The following PLEKHA7 variants were observed in gnomAD, a reference collection of about 807,000 sequenced individuals.
PLEKHA7 encodes the protein pleckstrin homology domain-containing family A member 7.
A neutral mutation model predicts 170.0 loss-of-function variants in PLEKHA7; 104 were observed. The observed-to-expected ratio is 0.61, with a 90% confidence interval of 0.52 to 0.72. The LOEUF (loss-of-function observed/expected upper bound fraction) is 0.72, where lower values mean the gene tolerates loss of function less well. Among genes scored for constraint, PLEKHA7 ranks in the 30% least tolerant of loss-of-function variants. The probability of loss-of-function intolerance (pLI) is 0.00; values close to 1 mark genes in which losing one functional copy is unlikely to be tolerated. For synonymous variants in PLEKHA7, 648 were observed against 660.8 expected, an observed-to-expected ratio of 0.98 and a Z score of 0.30; for missense variants, 1,615 against 1,671.7, an observed-to-expected ratio of 0.97 and a Z score of 0.59.
chr11:16,842,820 A>G (rs533790158), intron 8 of PLEKHA7, among the ~76,000 whole-genome samples: 52 of 152,226 alleles, frequency 3.4e-4, no homozygotes, highest in Non-Finnish European at 6.0e-4. Context: ...TCTCCTAGGT[A>G]CTTCCACAAC....
chr11:16,786,428 T>C (rs1173906183), intron 23 of PLEKHA7, 41 bp from the exon 24 acceptor site: 3 of 1,533,902 alleles, frequency 2.0e-6, no homozygotes, highest in East Asian at 2.4e-5. Flanking sequence ...CGCTTCCTGA[T>C]TGCTGAAAGA....
chr11:16,883,563 A>G (rs1855864644), intron 3 of PLEKHA7, among the ~76,000 whole-genome samples: 1 of 152,120 alleles, frequency 6.6e-6, no homozygotes, highest in African/African-American at 2.4e-5. Context: ...TTAACTGCCC[A>G]CCAGTCCCCA....
chr11:16,979,487 G>A (rs1227884665), intron 3 of PLEKHA7, among the ~76,000 whole-genome samples: 1 of 152,140 alleles, frequency 6.6e-6, no homozygotes, highest in Non-Finnish European at 1.5e-5. Flanking sequence ...GTCAGTTAGT[G>A]ACAGAACCAG....
chr11:16,968,435 A>G (rs1862506884), intron 3 of PLEKHA7, among the ~76,000 whole-genome samples: 1 of 152,178 alleles, frequency 6.6e-6, no homozygotes, highest in Non-Finnish European at 1.5e-5. Context: ...CTGTGGGCTC[A>G]GGTCCTTCCA....
chr11:16,984,308 GAATATTTAGAATA>G (rs1308972071), intron 3 of PLEKHA7, among the ~76,000 whole-genome samples: 30 of 151,688 alleles, frequency 2.0e-4, no homozygotes, highest in Admixed American at 1.6e-3. Context: ...AGAATAATTA[GAATATTTAGAATA>G]AATATTTAGA....
In PLEKHA7 at chr11:16,921,101, G is replaced by T. The variant is rs564080925; in HGVS notation, c.222-49919C>A. ...CCTTATTTTCGCAGGGCGTTTTTTT[G>T]TTGTTGTTGTTCCTTTTACATTTTT... On this transcript the variant is annotated intron_variant, in intron 3 of 26. Coordinates refer to ENST00000531066, the MANE Select transcript of PLEKHA7 (RefSeq NM_001329630.2). 5.2e-3 allele frequency among the ~76,000 whole-genome samples: 795 copies of T among 152,048 alleles called. 5 individuals carry two copies. The highest frequency in any genetic ancestry group is 7.1e-3 in the Admixed American group (108 of 15,284).
chr11:16,967,003 C>T (rs1256542706), intron 3 of PLEKHA7, among the ~76,000 whole-genome samples: 1 of 152,156 alleles, frequency 6.6e-6, no homozygotes, highest in Non-Finnish European at 1.5e-5. Context: ...GAACAAGGAG[C>T]CAAGCCTTAG....
intron 3 of PLEKHA7, chr11:17,012,989 C>T (rs1257056939): frequency 7.7e-6 from 1 of 129,734 alleles, no homozygotes; most frequent in African/African-American, 2.8e-5. Context: ...AGTTCTGACT[C>T]ACAGTCGCCG....
At chr11:16,984,537 G>T (rs1046875384) in intron 3 of PLEKHA7, among the ~76,000 whole-genome samples, 1 of 152,034 alleles carries the variant, frequency 6.6e-6, no homozygotes, top group Admixed American at 6.6e-5. Flanking sequence ...GGCATGTCCT[G>T]CCCCTACATG....
chr11:16,933,967 T>A (rs1437688965), intron 3 of PLEKHA7, among the ~76,000 whole-genome samples: 1 of 152,200 alleles, frequency 6.6e-6, no homozygotes, highest in Non-Finnish European at 1.5e-5. Context: ...ATCCTCTGCA[T>A]CAGCTTCCTG....
rs143822128 is a variant in PLEKHA7, at chr11:16,931,434, A to C, written c.222-60252T>G. 7.9e-5 allele frequency among the ~76,000 whole-genome samples: 12 copies of C among 152,220 alleles called. No homozygotes were observed. The East Asian group carries it at 2.3e-3, about 29-fold the overall frequency. ...GGAGGCTTGAATTAATTCATAATTGAAGCTGAGGCCAGGTACAGTGGCTCA... is the reference window on the plus strand; with the variant it reads ...GGAGGCTTGAATTAATTCATAATTGCAGCTGAGGCCAGGTACAGTGGCTCA... On this transcript the variant is annotated intron_variant, in intron 3 of 26. Coordinates refer to ENST00000531066, the MANE Select transcript of PLEKHA7 (RefSeq NM_001329630.2).
In PLEKHA7 at chr11:17,013,976, C is replaced by T; in HGVS notation, c.221+13G>A. 1 of 1,536,368 alleles carries T rather than the reference C, an allele frequency of 6.5e-7. No homozygotes were observed. The highest frequency in any genetic ancestry group is 1.4e-5 in the African/African-American group (1 of 71,248). On this transcript the variant is annotated intron_variant, in intron 3 of 26. Transcript: ENST00000531066. ...GCGGCACAGGTGCGAGCGCGGCGGC[C>T]CCACTCACTCACTCGATGAAGTAGC...
intron 10 of PLEKHA7, 24 bp downstream of exon 10, chr11:16,826,096 A>G: frequency 6.3e-7 from 1 of 1,599,466 alleles, no homozygotes; most frequent in Admixed American, 1.7e-5. Context: ...CGTTATAAGC[A>G]GCGATCCTGA....
chr11:16,778,939 CT>C lies in PLEKHA7; in HGVS notation c.*58del. ...GTTTCCTTGGGGGCAGAAAGGTCAT[CT>C]CCTTGGAGGAAGCTGGTTCCACTGG... On this transcript the variant is annotated 3_prime_UTR_variant, in exon 27 of 27. Coordinates refer to ENST00000531066, the MANE Select transcript of PLEKHA7 (RefSeq NM_001329630.2). 2 of 702,582 alleles carry C rather than the reference CT, an allele frequency of 2.8e-6. No homozygotes were observed. Among genetic ancestry groups the C allele is most frequent in the Admixed American group, 4.0e-5 (2 of 50,020 alleles). The allele number at this position is 702,582 out of a possible 1,614,324, so 43.5% of individuals were successfully genotyped here.
intron 3 of PLEKHA7, among the ~76,000 whole-genome samples, chr11:16,937,615 CTTTTTTT>C (rs199658017): frequency 6.9e-6 from 1 of 145,130 alleles, no homozygotes; most frequent in Non-Finnish European, 1.5e-5. Context: ...TTTTTCTTTT[CTTTTTTT>C]TTTTAGATGG....
chr11:16,982,520 G>C (rs1863490072), intron 3 of PLEKHA7, among the ~76,000 whole-genome samples: 1 of 152,210 alleles, frequency 6.6e-6, no homozygotes, highest in African/African-American at 2.4e-5. Flanking sequence ...AGATCTCAAG[G>C]ACAGGTTTAA....
At chr11:16,891,187 T>C (rs1011570412) in intron 3 of PLEKHA7, among the ~76,000 whole-genome samples, 1 of 152,138 alleles carries the variant, frequency 6.6e-6, no homozygotes, top group African/African-American at 2.4e-5. Context: ...AGCACTGGAA[T>C]TATAGGCATG....
At chr11:16,805,645 C>G (rs1848916791) in intron 13 of PLEKHA7, among the ~76,000 whole-genome samples, 1 of 151,894 alleles carries the variant, frequency 6.6e-6, no homozygotes, top group East Asian at 1.9e-4. Flanking sequence ...CAAAAATTAG[C>G]CAGGCACAGT....
rs1851336004 is a variant in PLEKHA7, at chr11:16,834,164, A to G, written c.872+7383T>C. Among the ~76,000 whole-genome samples, 5 of 151,846 alleles carry G rather than the reference A, an allele frequency of 3.3e-5. No homozygotes were observed. In the South Asian group the frequency reaches 1.0e-3, roughly 32 times the overall value. ...TAGCTGGGATTACAGGCATGTGCCA[A>G]CATGCTAATTTTTGTATTTTTAGTA... is the stretch of plus-strand genomic sequence containing the variant. On this transcript the variant is annotated intron_variant, in intron 9 of 26. Coordinates refer to ENST00000531066, the MANE Select transcript of PLEKHA7 (RefSeq NM_001329630.2).
Sources: gnomAD v4.1 joint callset for allele counts (sites outside exome capture counted in the v4.1 genomes callset) on GRCh38, gnomAD v4.1.1 for gene constraint, MANE v1.5 for transcripts, NCBI Gene and HGNC (gene_info 2026-07-23, HGNC 2026-07-21) for gene names.